Variants in FANCC observed in about 807,000 individuals in gnomAD.
The protein encoded by FANCC is Fanconi anemia group C protein.
In FANCC, 55 loss-of-function variants were observed where a neutral mutation model predicts 71.3. The ratio of observed to expected loss-of-function variants is 0.77; its 90% CI spans 0.62 to 0.97. The LOEUF (loss-of-function observed/expected upper bound fraction) is 0.97. Ranked by LOEUF, FANCC falls within the 50% of genes least tolerant of loss-of-function variation. The pLI, the probability that FANCC is intolerant of heterozygous loss-of-function variation, is 0.00. For missense variants in FANCC, 678 were observed against 670.9 expected, an observed-to-expected ratio of 1.01 and a Z score of -0.12; for synonymous variants, 275 against 244.9, an observed-to-expected ratio of 1.12 and a Z score of -1.15.
At position 95,101,254 on chromosome 9, in the gene FANCC, T is replaced by C; in HGVS notation, c.*453A>G. On this transcript the variant is annotated 3_prime_UTR_variant, in exon 15 of 15. Coordinates refer to ENST00000289081, the MANE Select transcript of FANCC (RefSeq NM_000136.3). ...CATACAGCAAGACAGTGTGGCTTTA[T>C]CCCAGATCCCTGACTCCTAAAAAGA... is the stretch of plus-strand genomic sequence containing the variant. The C allele has an allele frequency of 3.4e-6, 1 of 293,802 alleles. No individual in the cohort carries two copies. The highest frequency in any genetic ancestry group is 4.9e-5 in the East Asian group (1 of 20,440). The allele number at this position is 293,802 out of a possible 1,614,324, so 18.2% of individuals were successfully genotyped here.
At chr9:95,246,881 C>T (rs1279151855) in intron 3 of FANCC, among the ~76,000 whole-genome samples, 2 of 152,028 alleles carry the variant, frequency 1.3e-5, no homozygotes, top group African/African-American at 4.8e-5. Context: ...TGAAGGAATA[C>T]CTCCCCAAAG....
chr9:95,313,049 T>C (rs1835505528), intron 1 of FANCC, among the ~76,000 whole-genome samples: 1 of 152,192 alleles, frequency 6.6e-6, no homozygotes, highest in African/African-American at 2.4e-5. Flanking sequence ...TGGGTGCAGC[T>C]GATCACAGCG....
At chr9:95,105,729 T>C (rs1412403672) in intron 14 of FANCC, among the ~76,000 whole-genome samples, 1 of 152,260 alleles carries the variant, frequency 6.6e-6, no homozygotes, top group African/African-American at 2.4e-5. Context: ...AAGTGACTCA[T>C]ACAACATCCT....
intron 4 of FANCC, among the ~76,000 whole-genome samples, chr9:95,182,364 C>CA (rs1168904986): frequency 6.6e-6 from 1 of 151,850 alleles, no homozygotes; most frequent in African/African-American, 2.4e-5. Context: ...ACTAAAAATA[C>CA]AAAAAATTAG....
At chr9:95,225,650 A>T (rs1364934401) in intron 4 of FANCC, among the ~76,000 whole-genome samples, 1 of 152,250 alleles carries the variant, frequency 6.6e-6, no homozygotes, top group Non-Finnish European at 1.5e-5. Context: ...TTGGCAATAG[A>T]TGTCTTGATC....
At position 95,114,806 on chromosome 9, in the gene FANCC, C is replaced by T. The variant is rs142395083; in HGVS notation, c.1073-96G>A. 1.6e-3 allele frequency: 1,597 copies of T among 1,020,400 alleles called. 6 individuals are homozygous for T. Among genetic ancestry groups the T allele is most frequent in the Non-Finnish European group, 2.3e-3 (1,495 of 641,362 alleles). The allele number at this position is 1,020,400 out of a possible 1,614,324, so 63.2% of individuals were successfully genotyped here. On this transcript the variant is annotated intron_variant, in intron 11 of 14. Coordinates refer to ENST00000289081, the MANE Select transcript of FANCC (RefSeq NM_000136.3). The stretch of plus-strand genomic sequence containing the variant: ...GATGACCTGAAGAGTCTTTGGGAGA[C>T]GCCCTTTACTTCTGGTTCACGGAAC...
chr9:95,178,059 C>G lies in FANCC; in HGVS notation c.346-5912G>C, dbSNP rs552427626. Among the ~76,000 whole-genome samples, 12 of 151,694 alleles carry G rather than the reference C, an allele frequency of 7.9e-5. No individual in the cohort carries two copies. The East Asian group carries it at 2.3e-3, about 29-fold the overall frequency. The stretch of plus-strand genomic sequence containing the variant: ...TTATTTTTTGCTTTTTTTTTTTAAG[C>G]TCATCAACTATCACTAGTGTTAGTG... On this transcript the variant is annotated intron_variant, in intron 4 of 14. Transcript: ENST00000289081.
intron 8 of FANCC, 81 bp from the exon 9 acceptor site, chr9:95,126,662 A>C: frequency 7.1e-7 from 1 of 1,407,954 alleles, no homozygotes; most frequent in Non-Finnish European, 1.0e-6. Flanking sequence ...CAAAGGAGTT[A>C]CTGGGAACTG....
At chr9:95,136,985 ACAGTGGGTGCTTCC>A (rs1350090919) in intron 7 of FANCC, among the ~76,000 whole-genome samples, 2 of 152,080 alleles carry the variant, frequency 1.3e-5, no homozygotes, top group East Asian at 3.9e-4. Context: ...CACATCCCAG[ACAGTGGGTGCTTCC>A]CAGTGGGTGC....
At chr9:95,102,420 G>GT (rs1001512475) in intron 14 of FANCC, among the ~76,000 whole-genome samples, 2 of 152,210 alleles carry the variant, frequency 1.3e-5, no homozygotes, top group African/African-American at 4.8e-5. Flanking sequence ...GTTGGTGCCT[G>GT]TAAGTATTTT....
At chr9:95,155,335 A>G (rs1439922725) in intron 6 of FANCC, among the ~76,000 whole-genome samples, 1 of 28,090 alleles carries the variant, frequency 3.6e-5, no homozygotes, top group Non-Finnish European at 5.9e-5. Flanking sequence ...GGGAGGAAGG[A>G]AGGGAGGAAG....
chr9:95,248,042 T>G (rs1564793445), intron 2 of FANCC, among the ~76,000 whole-genome samples: 1 of 152,234 alleles, frequency 6.6e-6, no homozygotes, highest in Non-Finnish European at 1.5e-5. Flanking sequence ...ATCTGTTTAT[T>G]ACTATTTTGA....
intron 1 of FANCC, among the ~76,000 whole-genome samples, chr9:95,307,965 C>T (rs1835160919): frequency 6.6e-6 from 1 of 152,240 alleles, no homozygotes; most frequent in Non-Finnish European, 1.5e-5. Flanking sequence ...AGGCATCACA[C>T]AGCGACAGAG....
intron 4 of FANCC, among the ~76,000 whole-genome samples, chr9:95,180,233 C>A (rs1826255444): frequency 6.6e-6 from 1 of 151,800 alleles, no homozygotes; most frequent in African/African-American, 2.4e-5. Flanking sequence ...TCTTCAGGGG[C>A]AATAACAATA....
intron 8 of FANCC, among the ~76,000 whole-genome samples, chr9:95,128,127 C>T (rs1826291304): frequency 6.6e-6 from 1 of 152,208 alleles, no homozygotes; most frequent in African/African-American, 2.4e-5. Context: ...GTCAGTTAAT[C>T]TCCTGATGCC....
chr9:95,225,858 T>TA (rs1829579569), intron 4 of FANCC, among the ~76,000 whole-genome samples: 1 of 152,184 alleles, frequency 6.6e-6, no homozygotes, highest in Non-Finnish European at 1.5e-5. Flanking sequence ...ATGGGAAGTT[T>TA]AAGAAGTTCA....
intron 1 of FANCC, among the ~76,000 whole-genome samples, chr9:95,279,365 T>C (rs1588407810): frequency 7.1e-6 from 1 of 141,378 alleles, no homozygotes; most frequent in Non-Finnish European, 1.5e-5. Flanking sequence ...ATTAGCCAGG[T>C]GTGGTGGTGC....
intron 1 of FANCC, among the ~76,000 whole-genome samples, chr9:95,311,559 AT>A (rs928286701): frequency 6.6e-5 from 10 of 151,714 alleles, no homozygotes; most frequent in African/African-American, 2.4e-4. Flanking sequence ...TTATTTATTT[AT>A]TTTTTTCCCT....
At chr9:95,230,324 A>C (rs887180806) in intron 4 of FANCC, among the ~76,000 whole-genome samples, 8 of 152,174 alleles carry the variant, frequency 5.3e-5, no homozygotes, top group Non-Finnish European at 1.2e-4. Flanking sequence ...CGAGAGCTCA[A>C]GGTTCCTTTC....
Sources: allele counts gnomAD v4.1 joint callset (sites outside exome capture counted in the v4.1 genomes callset), GRCh38; gene constraint gnomAD v4.1.1; transcripts MANE v1.5; gene names NCBI Gene and HGNC (gene_info 2026-07-23, HGNC 2026-07-21).